The following LMX1A variants were observed in gnomAD, a reference collection of about 807,000 sequenced individuals.
LMX1A encodes LIM homeobox transcription factor 1-alpha.
LMX1A carries 15 observed loss-of-function variants against 49.1 expected under a neutral mutation model. That is an observed-to-expected ratio of 0.31 (90% confidence interval 0.20 to 0.47). The LOEUF is 0.47. LMX1A is among the 20% of genes least tolerant of loss of function. LMX1A has a pLI of 1.00. For synonymous variants in LMX1A, 167 were observed against 185.7 expected (o/e 0.90, Z 0.82); for missense variants, 372 against 475.8 (o/e 0.78, Z 2.03).
Position 165,355,067 on chromosome 1 carries a change from G to A in LMX1A, c.76+417C>T, listed in dbSNP as rs559111278. ...GCTGAAATTGGGGCTGGAGTTGGTGGGGGAGAGAAGCCTCCTCGAACTTGG... is the reference window on the plus strand; with the variant it reads ...GCTGAAATTGGGGCTGGAGTTGGTGAGGGAGAGAAGCCTCCTCGAACTTGG... On this transcript the variant is annotated intron_variant, in intron 2 of 8. Coordinates refer to ENST00000342310, the MANE Select transcript of LMX1A (RefSeq NM_177398.4). The surrounding 1 kb of genome is among the most constrained non-coding windows in gnomAD (Gnocchi z 4.7). Among the ~76,000 whole-genome samples the A allele has an allele frequency of 2.6e-5, 4 of 152,266 alleles. No individual in the cohort carries two copies. Among genetic ancestry groups the A allele is most frequent in the East Asian group, 1.9e-4 (1 of 5,156 alleles).
At chr1:165,213,947 T>C (rs1651536768) in intron 4 of LMX1A, 134 bp from the exon 5 acceptor site, 1 of 758,142 alleles carries the variant, frequency 1.3e-6, no homozygotes, top group Non-Finnish European at 2.1e-6. Flanking sequence ...CTATGTGGTA[T>C]TGCTTTGAAA....
At chr1:165,275,802 A>G (rs1653945884) in intron 3 of LMX1A, among the ~76,000 whole-genome samples, 1 of 150,858 alleles carries the variant, frequency 6.6e-6, no homozygotes, top group Non-Finnish European at 1.5e-5. Flanking sequence ...CTGTGCTCTC[A>G]TGCCTCTGGT....
chr1:165,293,251 G>C (rs538320576), intron 3 of LMX1A, among the ~76,000 whole-genome samples: 1 of 152,116 alleles, frequency 6.6e-6, no homozygotes, highest in East Asian at 1.9e-4. Flanking sequence ...CCTTCAATTT[G>C]AGTTTTATTT....
chr1:165,277,481 C>T (rs1172825709), intron 3 of LMX1A, among the ~76,000 whole-genome samples: 3 of 152,194 alleles, frequency 2.0e-5, no homozygotes, highest in African/African-American at 7.2e-5. Context: ...ACTGGGTCTT[C>T]CCTCATTTGA....
intron 3 of LMX1A, among the ~76,000 whole-genome samples, chr1:165,266,777 A>C (rs572644050): frequency 6.6e-6 from 1 of 150,962 alleles, no homozygotes; most frequent in East Asian, 2.0e-4. Context: ...AATTTTTTGT[A>C]TTTTTAATAG....
intron 2 of LMX1A, among the ~76,000 whole-genome samples, chr1:165,353,991 G>T (rs533409685): frequency 3.9e-5 from 6 of 152,346 alleles, no homozygotes; most frequent in African/African-American, 7.2e-5. Flanking sequence ...GCTTGAGGGC[G>T]AAACGGGCCT....
chr1:165,326,930 C>G (rs1655601912), intron 3 of LMX1A, among the ~76,000 whole-genome samples: 1 of 152,166 alleles, frequency 6.6e-6, no homozygotes, highest in African/African-American at 2.4e-5. Context: ...TGCAGGGCAG[C>G]CCCCTCACCC....
chr1:165,273,652 G>A (rs1304410749), intron 3 of LMX1A, among the ~76,000 whole-genome samples: 1 of 152,168 alleles, frequency 6.6e-6, no homozygotes, highest in Non-Finnish European at 1.5e-5. Flanking sequence ...TAATAAACAA[G>A]TATTTATGAA....
At chr1:165,299,558 C>G (rs1051577592) in intron 3 of LMX1A, among the ~76,000 whole-genome samples, 1 of 152,152 alleles carries the variant, frequency 6.6e-6, no homozygotes, top group Non-Finnish European at 1.5e-5. Flanking sequence ...AGCATGAAAT[C>G]TTTAATGAAT....
chr1:165,258,432 G>A (rs1256528311), intron 3 of LMX1A, among the ~76,000 whole-genome samples: 1 of 152,172 alleles, frequency 6.6e-6, no homozygotes, highest in Non-Finnish European at 1.5e-5. Flanking sequence ...CTGGGGTGGT[G>A]GGAAAGTCTG....
intron 4 of LMX1A, among the ~76,000 whole-genome samples, chr1:165,237,205 G>A (rs2102626470): frequency 6.6e-6 from 1 of 152,216 alleles, no homozygotes; most frequent in East Asian, 1.9e-4. Context: ...TCCTAAGAAG[G>A]AATGCTTGTA....
chr1:165,279,099 C>A (rs1654062512), intron 3 of LMX1A, among the ~76,000 whole-genome samples: 1 of 152,234 alleles, frequency 6.6e-6, no homozygotes, highest in Non-Finnish European at 1.5e-5. Context: ...CGCCTGTGAG[C>A]ATTCAATACA....
At chr1:165,205,612 G>T (rs577194852) in intron 8 of LMX1A, among the ~76,000 whole-genome samples, 1 of 152,276 alleles carries the variant, frequency 6.6e-6, no homozygotes, top group South Asian at 2.1e-4. Flanking sequence ...TACAAGGAGA[G>T]CACAACTTCC....
intron 3 of LMX1A, among the ~76,000 whole-genome samples, chr1:165,294,155 A>G (rs1654552295): frequency 3.3e-5 from 5 of 152,202 alleles, no homozygotes; most frequent in Admixed American, 3.3e-4. Context: ...TAGCAACTGC[A>G]TTTCTAACCA....
chr1:165,330,785 A>C (rs35453005), intron 3 of LMX1A, among the ~76,000 whole-genome samples: 11,329 of 152,268 alleles, frequency 0.074, 606 homozygotes, highest in South Asian at 0.2. Flanking sequence ...TAAACACAGC[A>C]GCTAGAAAGT....
intron 4 of LMX1A, among the ~76,000 whole-genome samples, chr1:165,225,931 A>C (rs1325830974): frequency 6.6e-6 from 1 of 152,236 alleles, no homozygotes; most frequent in African/African-American, 2.4e-5. Flanking sequence ...TCTTACTTTC[A>C]GTCAACAGAA....
At chr1:165,266,969 CTT>C (rs1045220399) in intron 3 of LMX1A, among the ~76,000 whole-genome samples, 26 of 151,996 alleles carry the variant, frequency 1.7e-4, no homozygotes, top group African/African-American at 6.0e-4. Flanking sequence ...CTCTCTCTCT[CTT>C]TCTTTCTCTT....
At chr1:165,279,065 A>T (rs926905335) in intron 3 of LMX1A, among the ~76,000 whole-genome samples, 2 of 152,246 alleles carry the variant, frequency 1.3e-5, no homozygotes, top group African/African-American at 4.8e-5. Flanking sequence ...ATTTAAAGTT[A>T]AACTTCTACC....
intron 3 of LMX1A, among the ~76,000 whole-genome samples, chr1:165,283,258 A>T (rs1248507675): frequency 6.6e-6 from 1 of 152,244 alleles, no homozygotes; most frequent in African/African-American, 2.4e-5. Context: ...GTAACATAGA[A>T]GCAATAGGTT....
Sources: allele counts gnomAD v4.1 joint callset (sites outside exome capture counted in the v4.1 genomes callset), GRCh38; gene constraint gnomAD v4.1.1; non-coding constraint Gnocchi (gnomAD v3.1); transcripts MANE v1.5; gene names NCBI Gene and HGNC (gene_info 2026-07-23, HGNC 2026-07-21).